GRID2: variants seen among roughly 807,000 people sequenced by gnomAD.
GRID2 encodes the protein glutamate receptor ionotropic, delta-2.
GRID2 carries 33 observed loss-of-function variants against 114.8 expected under a neutral mutation model. That is an observed-to-expected ratio of 0.29 (90% CI 0.22 to 0.38). GRID2 has a LOEUF of 0.38. Ranked by LOEUF, GRID2 falls within the 10% of genes least tolerant of loss-of-function variation. The pLI is 1.00. For synonymous variants in GRID2, 505 were observed against 449.9 expected, an observed-to-expected ratio of 1.12 and a Z score of -1.55; for missense variants, 1,184 against 1,257.7, an observed-to-expected ratio of 0.94 and a Z score of 0.89.
At chr4:92,437,288 T>G (rs748462015) in intron 1 of GRID2, among the ~76,000 whole-genome samples, 8 of 152,166 alleles carry the variant, frequency 5.3e-5, no homozygotes, top group Non-Finnish European at 1.2e-4. Context: ...TTATTTTTAG[T>G]TTTTGTTTTG....
intron 8 of GRID2, among the ~76,000 whole-genome samples, chr4:93,372,757 C>T (rs377579590): frequency 2.0e-5 from 3 of 152,214 alleles, no homozygotes; most frequent in East Asian, 3.9e-4. Flanking sequence ...AGATCTTAAG[C>T]ACAATACAAT....
chr4:93,114,208 A>G (rs1461725305), intron 4 of GRID2, among the ~76,000 whole-genome samples: 2 of 152,092 alleles, frequency 1.3e-5, no homozygotes, highest in African/African-American at 4.8e-5. Context: ...GGGGACTACT[A>G]CTCATTACCA....
intron 13 of GRID2, among the ~76,000 whole-genome samples, chr4:93,583,657 T>G (rs1379632433): frequency 6.6e-6 from 1 of 152,150 alleles, no homozygotes; most frequent in Admixed American, 6.6e-5. Flanking sequence ...ACCTAGGAAG[T>G]GGCAGGGGTC....
At chr4:93,511,065 T>C (rs1181386760) in intron 12 of GRID2, among the ~76,000 whole-genome samples, 1 of 152,052 alleles carries the variant, frequency 6.6e-6, no homozygotes, top group Non-Finnish European at 1.5e-5. Context: ...GCCTTGTGAG[T>C]AGCTGGGATT....
intron 13 of GRID2, among the ~76,000 whole-genome samples, chr4:93,521,605 GAGT>G (rs1285827951): frequency 2.0e-5 from 3 of 152,084 alleles, no homozygotes; most frequent in South Asian, 4.1e-4. Flanking sequence ...AGGCCTGGTA[GAGT>G]AGAAGAAGAG....
chr4:92,453,845 A>C (rs1474311902), intron 1 of GRID2, among the ~76,000 whole-genome samples: 1 of 152,190 alleles, frequency 6.6e-6, no homozygotes. Flanking sequence ...TAACTTAATA[A>C]AGCTAAATTA....
chr4:92,487,628 C>T (rs1326515921), intron 1 of GRID2, among the ~76,000 whole-genome samples: 1 of 152,020 alleles, frequency 6.6e-6, no homozygotes, highest in Non-Finnish European at 1.5e-5. Context: ...CTTCTATATG[C>T]TATATCCCAC....
At chr4:92,700,343 C>T (rs1035579105) in intron 2 of GRID2, among the ~76,000 whole-genome samples, 4 of 152,150 alleles carry the variant, frequency 2.6e-5, no homozygotes, top group Non-Finnish European at 5.9e-5. Flanking sequence ...TCATTGATTG[C>T]TCACAATTCT....
rs70942952 is a variant in GRID2, at chr4:93,139,735, A to AACACAC, written c.735+28806_735+28811dup. On this transcript the variant is annotated intron_variant, in intron 4 of 15. Coordinates refer to ENST00000282020, the MANE Select transcript of GRID2 (RefSeq NM_001510.4). ...CTGAGGCCCTAGACTGTACTTTTGA[A>AACACAC]ACACACACACACACACACACACACA... is the stretch of plus-strand genomic sequence containing the variant. Among the ~76,000 whole-genome samples the AACACAC allele has an allele frequency of 1.6e-3, 233 of 147,970 alleles. 2 individuals carry two copies. Among genetic ancestry groups the AACACAC allele is most frequent in the Middle Eastern group, 7.2e-3 (2 of 276 alleles).
intron 3 of GRID2, among the ~76,000 whole-genome samples, chr4:93,096,406 G>A (rs1453739893): frequency 6.6e-6 from 1 of 151,844 alleles, no homozygotes; most frequent in Non-Finnish European, 1.5e-5. Flanking sequence ...GACAAACTAT[G>A]AACTGTGCAA....
At chr4:93,477,267 T>C (rs1460165091) in intron 11 of GRID2, among the ~76,000 whole-genome samples, 1 of 152,118 alleles carries the variant, frequency 6.6e-6, no homozygotes, top group African/African-American at 2.4e-5. Context: ...TATTCATGAG[T>C]GTTCTGCCTG....
At chr4:92,693,282 T>G (rs1287622675) in intron 2 of GRID2, among the ~76,000 whole-genome samples, 1 of 152,118 alleles carries the variant, frequency 6.6e-6, no homozygotes, top group Non-Finnish European at 1.5e-5. Context: ...TAAATCAACT[T>G]GAAAATAAAA....
At chr4:92,989,366 AT>A (rs1316468062) in intron 2 of GRID2, among the ~76,000 whole-genome samples, 1 of 151,374 alleles carries the variant, frequency 6.6e-6, no homozygotes, top group African/African-American at 2.4e-5. Flanking sequence ...GTATATATGT[AT>A]ATGTACACAT....
chr4:93,188,847 T>A (rs1276785049), intron 4 of GRID2, among the ~76,000 whole-genome samples: 1 of 152,188 alleles, frequency 6.6e-6, no homozygotes, highest in African/African-American at 2.4e-5. Context: ...AAGTTCCTTG[T>A]CACTTAATAA....
chr4:93,158,164 C>T (rs1386886224), intron 4 of GRID2, among the ~76,000 whole-genome samples: 1 of 151,748 alleles, frequency 6.6e-6, no homozygotes, highest in African/African-American at 2.4e-5. Flanking sequence ...ATTTTGCAGA[C>T]TTTTCTGCCA....
intron 5 of GRID2, among the ~76,000 whole-genome samples, chr4:93,215,368 A>G (rs959415756): frequency 6.6e-6 from 1 of 152,064 alleles, no homozygotes; most frequent in Non-Finnish European, 1.5e-5. Context: ...CAATATTAAT[A>G]TTAATTAACT....
chr4:92,860,522 G>T (rs569260529), intron 2 of GRID2, among the ~76,000 whole-genome samples: 6 of 152,230 alleles, frequency 3.9e-5, no homozygotes, highest in Admixed American at 3.9e-4. Flanking sequence ...CCTATAAAGA[G>T]AGTAAGAGTA....
chr4:92,564,250 T>A lies in GRID2; in HGVS notation c.89-25881T>A, dbSNP rs188214211. ...AGACAAAAATTATTTTAAATAAGGC[T>A]AACTTATTTAGACCATAGTCATACC... On this transcript the variant is annotated intron_variant, in intron 1 of 15. Transcript: ENST00000282020. Among the ~76,000 whole-genome samples, 414 of 152,170 alleles carry A rather than the reference T, an allele frequency of 2.7e-3. 3 individuals carry two copies. The highest frequency in any genetic ancestry group is 5.0e-3 in the Non-Finnish European group (343 of 67,944).
chr4:92,883,665 TTCTTGAATA>T (rs774164895), intron 2 of GRID2, among the ~76,000 whole-genome samples: 7 of 152,206 alleles, frequency 4.6e-5, no homozygotes, highest in Non-Finnish European at 8.8e-5. Flanking sequence ...AATGTGAGTC[TTCTTGAATA>T]TCTTTAGCGG....
Sources: gnomAD v4.1 joint callset for allele counts (sites outside exome capture counted in the v4.1 genomes callset) on GRCh38, gnomAD v4.1.1 for gene constraint, MANE v1.5 for transcripts, NCBI Gene and HGNC (gene_info 2026-07-23, HGNC 2026-07-21) for gene names.